The following DMD variants were observed in gnomAD, a reference collection of about 807,000 sequenced individuals.
The protein encoded by DMD is mutant dystrophin.
In DMD, 63 loss-of-function variants were observed where a neutral mutation model predicts 330.1. That is an observed-to-expected ratio of 0.19 (90% CI 0.16 to 0.24). The LOEUF is 0.24. DMD is among the 10% of genes least tolerant of loss of function. The probability of loss-of-function intolerance (pLI) is 1.00; values close to 1 mark genes in which losing one functional copy is unlikely to be tolerated. For synonymous variants in DMD, 1,223 were observed against 959.8 expected, an observed-to-expected ratio of 1.27 and a Z score of -5.07; for missense variants, 3,344 against 2,684.1, an observed-to-expected ratio of 1.25 and a Z score of -5.43.
chrX:32,760,882 T>C (rs1457590506), intron 7 of DMD, among the ~76,000 whole-genome samples: 1 of 111,690 alleles, frequency 9.0e-6, no homozygotes, highest in Non-Finnish European at 1.9e-5. Context: ...CATGATTTTC[T>C]ATACCTTGAA....
chrX:32,851,719 C>G (rs980742390), intron 2 of DMD, among the ~76,000 whole-genome samples: 10 of 112,435 alleles, frequency 8.9e-5, no homozygotes, highest in African/African-American at 3.2e-4. Context: ...GAGGCCATGT[C>G]TCATGTAGAC....
intron 9 of DMD, among the ~76,000 whole-genome samples, chrX:32,658,502 A>G (rs1274815535): frequency 1.8e-5 from 2 of 111,625 alleles, no homozygotes; most frequent in Non-Finnish European, 3.8e-5. Flanking sequence ...GTGTTCCAAT[A>G]AAACTTTATT....
At chrX:31,173,842 C>T (rs780614041) in intron 71 of DMD, among the ~76,000 whole-genome samples, 2 of 112,013 alleles carry the variant, frequency 1.8e-5, no homozygotes, top group Admixed American at 9.5e-5. Flanking sequence ...CCAAAATCTT[C>T]TCTGGAAAAT....
intron 2 of DMD, among the ~76,000 whole-genome samples, chrX:33,014,324 T>G (rs942283936): frequency 8.9e-6 from 1 of 111,866 alleles, no homozygotes; most frequent in Non-Finnish European, 1.9e-5. Context: ...AGGCAGGGCA[T>G]TGTGGACAAG....
chrX:31,340,701 G>C (rs1173337304), intron 61 of DMD, among the ~76,000 whole-genome samples: 2 of 111,926 alleles, frequency 1.8e-5, no homozygotes, highest in African/African-American at 6.5e-5. Flanking sequence ...ATTATTTATT[G>C]AGTGTCTACT....
chrX:31,410,731 TTA>T (rs200939018), intron 60 of DMD, among the ~76,000 whole-genome samples: 1 of 106,873 alleles, frequency 9.4e-6, no homozygotes, highest in Admixed American at 1.0e-4. Flanking sequence ...CAATCGATAA[TTA>T]TATATATATA....
In DMD at chrX:32,472,190, T is replaced by C; in HGVS notation, c.2923A>G (p.Met975Val). 2 of 1,211,673 alleles carry C rather than the reference T, an allele frequency of 1.7e-6. No individual in the cohort carries two copies. The highest frequency in any genetic ancestry group is 2.2e-6 in the Non-Finnish European group (2 of 895,309). ...TGCAATTCCCCGAGTCTCTGCTCCA[T>C]GATTTCATAGTCGGTGACACTAAGT... ...PQLSVTDYEI[M>V]EQRLGELQAL... Residue 975 changes from methionine (M) to valine (V), a missense_variant, in exon 22 of 79, where the codon ATG becomes GTG. Met to Val is a conservative substitution (Grantham distance 21, BLOSUM62 1). Transcript: ENST00000357033.
In DMD at chrX:32,701,409, A is replaced by G. The variant is rs187861153; in HGVS notation, c.650-2116T>C. Among the ~76,000 whole-genome samples, 381 of 112,212 alleles carry G rather than the reference A, an allele frequency of 3.4e-3. 1 individual carries two copies. The highest frequency in any genetic ancestry group is 0.021 in the South Asian group (57 of 2,753). ...TGCAAGTACTTTTTAAAGAAGAACT[A>G]AATAATATTTTGTGCATGAACACTG... On this transcript the variant is annotated intron_variant, in intron 7 of 78. Coordinates refer to ENST00000357033, the MANE Select transcript of DMD (RefSeq NM_004006.3).
chrX:31,985,548 C>T (rs962926087), intron 44 of DMD, among the ~76,000 whole-genome samples: 13 of 112,277 alleles, frequency 1.2e-4, no homozygotes, highest in Admixed American at 7.6e-4. Flanking sequence ...CCAACAGTAA[C>T]GAGTAACGCT....
chrX:32,860,579 A>T (rs1569535672), intron 2 of DMD, among the ~76,000 whole-genome samples: 2 of 107,793 alleles, frequency 1.9e-5, no homozygotes, highest in East Asian at 2.9e-4. Flanking sequence ...TTCCGAGTTG[A>T]TTTTTTTTTT....
chrX:32,618,747 C>A (rs915708696), intron 11 of DMD, among the ~76,000 whole-genome samples: 2 of 110,327 alleles, frequency 1.8e-5, no homozygotes, highest in Non-Finnish European at 3.8e-5. Context: ...TGGCTACTAT[C>A]CAAAACAAAA....
chrX:31,182,954 G>T (rs1368858994), intron 67 of DMD, 50 bp from the exon 68 acceptor site: 1 of 1,079,640 alleles, frequency 9.3e-7, no homozygotes, highest in African/African-American at 1.8e-5. Context: ...TGAAAGGAAA[G>T]AAGGCAAGAT....
chrX:31,266,917 C>T, intron 62 of DMD: 2 of 1,162,932 alleles, frequency 1.7e-6, no homozygotes, highest in Non-Finnish European at 2.3e-6. Context: ...TGGAGCGCCG[C>T]CGCCGCCGCC....
intron 75 of DMD, among the ~76,000 whole-genome samples, chrX:31,146,649 A>C (rs1236282236): frequency 8.9e-6 from 1 of 112,194 alleles, no homozygotes; most frequent in African/African-American, 3.2e-5. Context: ...GCTACACTGG[A>C]ATGAGACTAT....
chrX:31,869,740 C>G (rs1245533847), intron 48 of DMD, among the ~76,000 whole-genome samples: 1 of 110,421 alleles, frequency 9.1e-6, no homozygotes, highest in East Asian at 2.9e-4. Context: ...TATGTATAGA[C>G]AACTTTCATG....
chrX:32,249,339 A>G (rs753771212), intron 43 of DMD, among the ~76,000 whole-genome samples: 1 of 111,793 alleles, frequency 8.9e-6, no homozygotes, highest in Non-Finnish European at 1.9e-5. Flanking sequence ...TCAAAGCACA[A>G]AAAAATACAA....
chrX:32,279,775 T>C (rs2097406528), intron 43 of DMD, among the ~76,000 whole-genome samples: 1 of 109,248 alleles, frequency 9.2e-6, no homozygotes, highest in Admixed American at 9.8e-5. Flanking sequence ...GTGACTATAG[T>C]CAAAACAATT....
Position 32,089,774 on chromosome X carries a change from G to C in DMD, c.6439-121260C>G, listed in dbSNP as rs766602952. Among the ~76,000 whole-genome samples the C allele has an allele frequency of 5.5e-4, 62 of 112,066 alleles. No homozygotes were observed. In the South Asian group the frequency reaches 0.014, roughly 26 times the overall value. On this transcript the variant is annotated intron_variant, in intron 44 of 78. Coordinates refer to ENST00000357033, the MANE Select transcript of DMD (RefSeq NM_004006.3). ...TACACAACGTGCATATGTCTTTATG[G>C]TAGAATGATTTCTATTCCTCTGGGT...
chrX:31,902,059 C>A (rs1005531420), intron 47 of DMD, among the ~76,000 whole-genome samples: 4 of 111,499 alleles, frequency 3.6e-5, no homozygotes, highest in African/African-American at 1.3e-4. Flanking sequence ...TGGTATCATA[C>A]ACATAATAAA....
Sources: allele counts gnomAD v4.1 joint callset (sites outside exome capture counted in the v4.1 genomes callset), GRCh38; gene constraint gnomAD v4.1.1; transcripts MANE v1.5; gene names NCBI Gene and HGNC (gene_info 2026-07-23, HGNC 2026-07-21).